Variants in FRMD5 observed in about 807,000 individuals in gnomAD.
The protein encoded by FRMD5 is FERM domain-containing protein 5.
A neutral mutation model predicts 69.0 loss-of-function variants in FRMD5; 20 were observed. That is an observed-to-expected ratio of 0.29 (90% CI 0.20 to 0.42). The LOEUF (loss-of-function observed/expected upper bound fraction) is 0.42, where lower values mean the gene tolerates loss of function less well. Ranked by LOEUF, FRMD5 falls within the 10% of genes least tolerant of loss-of-function variation. The pLI is 1.00. For synonymous variants in FRMD5, 271 were observed against 260.1 expected (o/e 1.04, Z -0.40); for missense variants, 595 against 708.6 (o/e 0.84, Z 1.82).
At chr15:43,893,776 GAC>G in intron 7 of FRMD5, among the ~76,000 whole-genome samples, 1 of 152,270 alleles carries the variant, frequency 6.6e-6, no homozygotes, top group Non-Finnish European at 1.5e-5. Flanking sequence ...TCACCTCCCT[GAC>G]ACAGATTCTC....
chr15:43,879,971 T>A, intron 13 of FRMD5: 1 of 221,130 alleles, frequency 4.5e-6, no homozygotes, highest in Non-Finnish European at 8.8e-6. Flanking sequence ...TAATGCTTCC[T>A]TGGCCTGCAG....
intron 1 of FRMD5, among the ~76,000 whole-genome samples, chr15:44,076,444 T>G (rs1595697472): frequency 6.7e-6 from 1 of 149,158 alleles, no homozygotes; most frequent in East Asian, 2.0e-4. Context: ...TATGCAGCCA[T>G]AAAAAATGAT....
chr15:44,093,356 AC>A (rs2076502671), intron 1 of FRMD5, among the ~76,000 whole-genome samples: 1 of 152,120 alleles, frequency 6.6e-6, no homozygotes, highest in Non-Finnish European at 1.5e-5. Context: ...CAAAAAAAAA[AC>A]AACTTGATCT....
chr15:43,891,123 C>G (rs554175868), intron 8 of FRMD5, among the ~76,000 whole-genome samples: 2 of 152,272 alleles, frequency 1.3e-5, no homozygotes, highest in South Asian at 2.1e-4. Flanking sequence ...CAGGAAGGTA[C>G]AGAAATCACA....
chr15:44,084,439 T>G (rs1894112382), intron 1 of FRMD5, among the ~76,000 whole-genome samples: 1 of 152,100 alleles, frequency 6.6e-6, no homozygotes, highest in Non-Finnish European at 1.5e-5. Context: ...TGGAGAGTTT[T>G]ATGAACTCCC....
Position 43,902,231 on chromosome 15 carries a change from A to C in FRMD5, c.583T>G (p.Phe195Val). Residue 195 changes from phenylalanine to valine, a missense_variant, in exon 7 of 14, where the codon TTC (phenylalanine) becomes GTC (valine). Around this residue, in one of 5 missense-constraint regions of FRMD5, gnomAD observed 176 missense variants for 266.3 expected, o/e 0.66. Transcript: ENST00000417257. ...GQTPATSELN[F>V]LRKAQTLETY... is the part of the protein sequence containing the mutation. ...TCCAATGTCTGTGCTTTTCTTAAGA[A>C]GTTCAGCTCTGATGTTGCTGGTGTT... The C allele has an allele frequency of 1.2e-6, 2 of 1,614,138 alleles. No homozygotes were observed. Among genetic ancestry groups the C allele is most frequent in the Non-Finnish European group, 1.7e-6 (2 of 1,179,984 alleles).
At chr15:43,977,991 A>G (rs944893054) in intron 1 of FRMD5, among the ~76,000 whole-genome samples, 1 of 151,660 alleles carries the variant, frequency 6.6e-6, no homozygotes, top group African/African-American at 2.4e-5. Context: ...CATATCCCCA[A>G]CCCCTCCCCA....
intron 1 of FRMD5, among the ~76,000 whole-genome samples, chr15:44,170,410 C>T (rs2077780966): frequency 2.0e-5 from 3 of 151,894 alleles, no homozygotes; most frequent in Admixed American, 1.3e-4. Flanking sequence ...CTAATCCCAG[C>T]TACACGGGAA....
At chr15:43,934,268 A>T (rs2089723398) in intron 1 of FRMD5, among the ~76,000 whole-genome samples, 1 of 152,200 alleles carries the variant, frequency 6.6e-6, no homozygotes, top group African/African-American at 2.4e-5. Flanking sequence ...AAGCGATGGG[A>T]GTAAGAAAAG....
At chr15:43,963,993 A>G (rs977793099) in intron 1 of FRMD5, among the ~76,000 whole-genome samples, 1 of 152,154 alleles carries the variant, frequency 6.6e-6, no homozygotes, top group Non-Finnish European at 1.5e-5. Context: ...CCAACATGGC[A>G]CATGTATACA....
chr15:43,875,260 C>A (rs2088298934), intron 13 of FRMD5, among the ~76,000 whole-genome samples: 1 of 148,486 alleles, frequency 6.7e-6, no homozygotes, highest in Non-Finnish European at 1.5e-5. Context: ...TGTAGGGGGG[C>A]AGATTGCTTG....
At chr15:44,188,185 C>G (rs2078134965) in intron 1 of FRMD5, among the ~76,000 whole-genome samples, 1 of 151,944 alleles carries the variant, frequency 6.6e-6, no homozygotes, top group Non-Finnish European at 1.5e-5. Context: ...TCAGGAGAGA[C>G]AAAAAATACT....
At chr15:44,062,104 A>T (rs1893112363) in intron 1 of FRMD5, among the ~76,000 whole-genome samples, 1 of 152,198 alleles carries the variant, frequency 6.6e-6, no homozygotes, top group Non-Finnish European at 1.5e-5. Flanking sequence ...AGTAGTCTGT[A>T]TACTCTTTCA....
At chr15:43,912,575 T>C (rs1312125892) in intron 4 of FRMD5, among the ~76,000 whole-genome samples, 1 of 151,890 alleles carries the variant, frequency 6.6e-6, no homozygotes, top group Non-Finnish European at 1.5e-5. Flanking sequence ...TGTCCAAAAT[T>C]CAGGGACTGT....
At chr15:43,930,085 G>A (rs2089649153) in intron 1 of FRMD5, among the ~76,000 whole-genome samples, 1 of 152,184 alleles carries the variant, frequency 6.6e-6, no homozygotes, top group African/African-American at 2.4e-5. Context: ...AGGGTGTGGG[G>A]CACAAGTGCT....
chr15:43,990,896 T>A (rs1889643067), intron 1 of FRMD5, among the ~76,000 whole-genome samples: 2 of 152,302 alleles, frequency 1.3e-5, no homozygotes, highest in South Asian at 4.1e-4. Flanking sequence ...TCATTATACA[T>A]CTCTATAGAT....
chr15:43,903,960 C>T (rs1374723159), intron 6 of FRMD5, among the ~76,000 whole-genome samples: 1 of 152,198 alleles, frequency 6.6e-6, no homozygotes, highest in East Asian at 1.9e-4. Flanking sequence ...ATTTTTACCA[C>T]AAGGGGTCGC....
chr15:44,030,099 T>G (rs1891612397), intron 1 of FRMD5, among the ~76,000 whole-genome samples: 1 of 152,174 alleles, frequency 6.6e-6, no homozygotes, highest in Non-Finnish European at 1.5e-5. Context: ...AGTTGACAGC[T>G]GATGTTGTAA....
intron 1 of FRMD5, among the ~76,000 whole-genome samples, chr15:44,026,346 A>G (rs192657889): frequency 1.7e-4 from 26 of 152,324 alleles, no homozygotes; most frequent in Admixed American, 4.6e-4. Flanking sequence ...AGTTCCACTC[A>G]TTACCCTCTT....
Sources: gnomAD v4.1 joint callset for allele counts (sites outside exome capture counted in the v4.1 genomes callset) on GRCh38, gnomAD v4.1.1 for gene constraint, gnomAD v4.1.1 regional missense constraint, MANE v1.5 for transcripts, NCBI Gene and HGNC (gene_info 2026-07-23, HGNC 2026-07-21) for gene names.